The following TOGARAM1 variants were observed in gnomAD, a reference collection of about 807,000 sequenced individuals.
TOGARAM1 encodes the protein TOG array regulator of axonemal microtubules 1.
A neutral mutation model predicts 166.6 loss-of-function variants in TOGARAM1; 100 were observed. That is an observed-to-expected ratio of 0.60 (90% CI 0.51 to 0.71). The LOEUF is 0.71. Among genes scored for constraint, TOGARAM1 ranks in the 30% least tolerant of loss-of-function variants. TOGARAM1 has a pLI of 0.00. For missense variants in TOGARAM1, 2,029 were observed against 2,102.7 expected (o/e 0.96, Z 0.69); for synonymous variants, 758 against 763.8 (o/e 0.99, Z 0.13).
chr14:45,064,982 T>C (rs907072015), intron 16 of TOGARAM1, among the ~76,000 whole-genome samples: 1 of 152,132 alleles, frequency 6.6e-6, no homozygotes, highest in Non-Finnish European at 1.5e-5. Context: ...ATCTAGACTT[T>C]ATAATATTAT....
chr14:44,999,960 A>C (rs1199540647), intron 3 of TOGARAM1, among the ~76,000 whole-genome samples: 2 of 152,126 alleles, frequency 1.3e-5, no homozygotes, highest in Non-Finnish European at 2.9e-5. Context: ...TATACTGAGC[A>C]CTAGATCTTA....
At chr14:45,073,152 T>TA (rs1355567379) in intron 19 of TOGARAM1, 144 bp from the exon 20 acceptor site, 2 of 739,878 alleles carry the variant, frequency 2.7e-6, no homozygotes, top group Non-Finnish European at 4.2e-6. Flanking sequence ...AAAGGTTTCT[T>TA]ACATTGCTTC....
chr14:44,986,572 C>T (rs879662999), intron 1 of TOGARAM1, among the ~76,000 whole-genome samples: 1 of 152,030 alleles, frequency 6.6e-6, no homozygotes, highest in Non-Finnish European at 1.5e-5. Context: ...GCTGGGATTA[C>T]AGGCATGAGC....
intron 6 of TOGARAM1, among the ~76,000 whole-genome samples, chr14:45,010,423 A>G (rs538158781): frequency 6.6e-6 from 1 of 152,328 alleles, no homozygotes; most frequent in South Asian, 2.1e-4. Flanking sequence ...TAAGACACAA[A>G]ATATATTTTT....
chr14:45,036,213 A>C (rs553416747), intron 11 of TOGARAM1, among the ~76,000 whole-genome samples: 2 of 151,774 alleles, frequency 1.3e-5, no homozygotes, highest in African/African-American at 2.4e-5. Flanking sequence ...AAGGGAAGAC[A>C]TGGCAGTATT....
Position 45,046,594 on chromosome 14 carries a change from GT to G in TOGARAM1, c.4205del (p.Val1402AspfsTer47), listed in dbSNP as rs1359153698. The G allele has an allele frequency of 7.1e-7, 1 of 1,410,340 alleles. No individual in the cohort carries two copies. The highest frequency in any genetic ancestry group is 1.4e-5 in the African/African-American group (1 of 69,002). 87.4% of individuals were successfully genotyped at this position (1,410,340 alleles called of 1,614,324 possible). A position where few individuals can be genotyped will look rare whatever the true frequency, so the allele number is the denominator to read the frequency against. ...RRCTAQHLSDVLEFMEPERIL... is the reference protein window; with the variant it reads ...RRCTAQHLSDXLEFMEPERIL... ...GTGTACAGCCCAGCATTTATCAGAT[GT>G]ATTGGAATTTATGGAACCAGAACGT... On this transcript the variant is annotated frameshift_variant, in exon 14 of 20. Coordinates refer to ENST00000361462, the MANE Select transcript of TOGARAM1 (RefSeq NM_001308120.2). LOFTEE classifies it high-confidence loss of function.
At chr14:45,046,818 G>C in intron 14 of TOGARAM1, 115 bp downstream of exon 14, 4 of 859,392 alleles carry the variant, frequency 4.7e-6, no homozygotes, top group Non-Finnish European at 6.3e-6. Flanking sequence ...GGGGTCCCAG[G>C]GATTGGTGCT....
intron 16 of TOGARAM1, among the ~76,000 whole-genome samples, chr14:45,056,552 T>C (rs1326354828): frequency 6.6e-6 from 1 of 152,178 alleles, no homozygotes; most frequent in Non-Finnish European, 1.5e-5. Context: ...TGTGCCTATT[T>C]TGTTGAGGAT....
chr14:45,066,870 G>T (rs886607574), intron 17 of TOGARAM1, 103 bp downstream of exon 17: 3 of 874,616 alleles, frequency 3.4e-6, no homozygotes, highest in Admixed American at 2.5e-5. Flanking sequence ...GAGGCTAGGA[G>T]TTCAAAGTTC....
intron 16 of TOGARAM1, among the ~76,000 whole-genome samples, chr14:45,060,082 T>G (rs1422350833): frequency 6.6e-6 from 1 of 151,314 alleles, no homozygotes; most frequent in Non-Finnish European, 1.5e-5. Flanking sequence ...CCAGCTAATT[T>G]TTTTTTTTTG....
At chr14:45,049,180 G>A (rs974495770) in intron 14 of TOGARAM1, among the ~76,000 whole-genome samples, 1 of 148,148 alleles carries the variant, frequency 6.8e-6, no homozygotes, top group African/African-American at 2.5e-5. Flanking sequence ...ACCCTCCTCT[G>A]TTTTTAAGCC....
chr14:45,047,890 T>C (rs1209327538), intron 14 of TOGARAM1, among the ~76,000 whole-genome samples: 2 of 151,362 alleles, frequency 1.3e-5, no homozygotes, highest in African/African-American at 4.9e-5. Context: ...ACCCCGCCTC[T>C]ACTCAAAATA....
Position 45,056,404 on chromosome 14 carries a change from T to G in TOGARAM1, c.4559+1855T>G, listed in dbSNP as rs570899378. Among the ~76,000 whole-genome samples the G allele has an allele frequency of 5.3e-5, 8 of 152,310 alleles. No homozygotes were observed. The East Asian group carries it at 1.5e-3, about 29-fold the overall frequency. ...ACTTTATCTAGGACTTATAGTACTG[T>G]GTTGAATAGAAGTGGTGAAAGTGGG... On this transcript the variant is annotated intron_variant, in intron 16 of 19. Transcript: ENST00000361462.
intron 9 of TOGARAM1, 140 bp downstream of exon 9, chr14:45,027,614 A>C: frequency 1.6e-6 from 1 of 625,786 alleles, no homozygotes; most frequent in South Asian, 3.3e-5. Context: ...GAGCCTTGGC[A>C]ATGTGGCAAA....
chr14:45,058,202 G>T (rs191738178), intron 16 of TOGARAM1, among the ~76,000 whole-genome samples: 12 of 150,798 alleles, frequency 8.0e-5, no homozygotes, highest in Non-Finnish European at 1.8e-4. Context: ...TCCCTTCTTT[G>T]TCTTTTTTTT....
At position 45,009,047 on chromosome 14, in the gene TOGARAM1, T is replaced by G; in HGVS notation, c.3039T>G (p.Ser1013=). 3.1e-6 allele frequency: 5 copies of G among 1,614,112 alleles called. No individual in the cohort carries two copies. The highest frequency in any genetic ancestry group is 4.2e-6 in the Non-Finnish European group (5 of 1,179,990). Residue 1013 remains serine (S), a synonymous_variant, in exon 6 of 20, where the codon TCT becomes TCG. Transcript: ENST00000361462. ...LDLTMDSPSL[S]SSPNINSYSE... is the part of the protein sequence containing the mutation. ...TGACGATGGACTCCCCGTCTCTGTC[T>G]TCCTCACCAAACATCAATTCTTACA...
At chr14:45,056,012 ATG>A (rs1360174550) in intron 16 of TOGARAM1, among the ~76,000 whole-genome samples, 5 of 151,546 alleles carry the variant, frequency 3.3e-5, no homozygotes, top group African/African-American at 1.2e-4. Flanking sequence ...TGAACCTGGG[ATG>A]TTTTTCCATT....
chr14:44,998,625 C>A (rs1887546841), intron 2 of TOGARAM1, among the ~76,000 whole-genome samples: 2 of 151,916 alleles, frequency 1.3e-5, no homozygotes, highest in South Asian at 4.2e-4. Flanking sequence ...AAGAGTGAGA[C>A]CCTGTCTTAA....
Position 45,012,085 on chromosome 14 carries a change from G to A in TOGARAM1, c.3238+10G>A. 6.8e-7 allele frequency: 1 copy of A among 1,479,388 alleles called. No individual in the cohort carries two copies. The highest frequency in any genetic ancestry group is 9.2e-7 in the Non-Finnish European group (1 of 1,089,688). The allele number at this position is 1,479,388 out of a possible 1,614,324, so 91.6% of individuals were successfully genotyped here. A position where few individuals can be genotyped will look rare whatever the true frequency, so the allele number is the denominator to read the frequency against. On this transcript the variant is annotated intron_variant, in intron 7 of 19. Transcript: ENST00000361462. ...CAAAGCCCCAGTGCAGGTATTCTATGTCTGTTTATAAAAATAATTTATAAA... is the reference window on the plus strand; with the variant it reads ...CAAAGCCCCAGTGCAGGTATTCTATATCTGTTTATAAAAATAATTTATAAA...
Sources: allele counts gnomAD v4.1 joint callset (sites outside exome capture counted in the v4.1 genomes callset), GRCh38; gene constraint gnomAD v4.1.1; transcripts MANE v1.5; gene names NCBI Gene and HGNC (gene_info 2026-07-23, HGNC 2026-07-21).